The following ENPP1 variants were observed in gnomAD, a reference collection of about 807,000 sequenced individuals.
ENPP1 encodes ectonucleotide pyrophosphatase/phosphodiesterase family member 1.
Under a neutral mutation model 122.8 loss-of-function variants are expected in ENPP1, and 73 were observed. The ratio of observed to expected loss-of-function variants is 0.59; its 90% CI spans 0.49 to 0.72. The LOEUF (loss-of-function observed/expected upper bound fraction) is 0.72, where lower values mean the gene tolerates loss of function less well. ENPP1 is among the 30% of genes least tolerant of loss of function. ENPP1 has a pLI of 0.00. For synonymous variants in ENPP1, 367 were observed against 391.6 expected (o/e 0.94, Z 0.74); for missense variants, 978 against 1,128.1 (o/e 0.87, Z 1.91).
In ENPP1 at chr6:131,872,064, C is replaced by A; in HGVS notation, c.1406-6C>A. 6.3e-7 allele frequency: 1 copy of A among 1,577,160 alleles called. No individual in the cohort carries two copies. Among genetic ancestry groups the A allele is most frequent in the Non-Finnish European group, 8.7e-7 (1 of 1,149,552 alleles). ...ACTATTAATTCTTATGTTTGTTCCC[C>A]TCCAGTTAACTATGAAGGCATTGCC... On this transcript the variant is annotated splice_polypyrimidine_tract_variant and splice_region_variant and intron_variant, in intron 13 of 24. Transcript: ENST00000647893.
chr6:131,877,188 A>C, intron 18 of ENPP1, 27 bp downstream of exon 18: 1 of 1,608,340 alleles, frequency 6.2e-7, no homozygotes, highest in South Asian at 1.1e-5. Context: ...AGTTTGGTCC[A>C]GTATGTATGG....
chr6:131,858,079 G>GT (rs1428148050), intron 6 of ENPP1, among the ~76,000 whole-genome samples: 3 of 152,160 alleles, frequency 2.0e-5, no homozygotes, highest in Non-Finnish European at 4.4e-5. Flanking sequence ...GGAATCATTA[G>GT]TTATGTGTTC....
intron 1 of ENPP1, among the ~76,000 whole-genome samples, chr6:131,815,358 T>G (rs1781400815): frequency 6.6e-6 from 1 of 152,230 alleles, no homozygotes; most frequent in Non-Finnish European, 1.5e-5. Flanking sequence ...TTTGTGATTC[T>G]TCGCTCTTCT....
intron 11 of ENPP1, 69 bp from the exon 12 acceptor site, chr6:131,867,949 G>A: frequency 1.1e-6 from 1 of 881,190 alleles, no homozygotes; most frequent in Non-Finnish European, 1.9e-6. Context: ...TTTTAACAGA[G>A]ATAGCTTTAT....
intron 20 of ENPP1, among the ~76,000 whole-genome samples, 164 bp downstream of exon 20, chr6:131,880,198 G>T (rs562345964): frequency 6.6e-6 from 1 of 152,236 alleles, no homozygotes; most frequent in South Asian, 2.1e-4. Flanking sequence ...TTCAAGCTCT[G>T]CCACTGAGCA....
chr6:131,885,667 G>C (rs58565434), intron 23 of ENPP1, among the ~76,000 whole-genome samples: 2 of 152,102 alleles, frequency 1.3e-5, no homozygotes, highest in South Asian at 2.1e-4. Flanking sequence ...TGTTAAGTCC[G>C]TAGGAAAAAG....
chr6:131,872,260 C>T (rs1004990228), intron 14 of ENPP1, among the ~76,000 whole-genome samples, 159 bp downstream of exon 14: 1 of 151,902 alleles, frequency 6.6e-6, no homozygotes, highest in Non-Finnish European at 1.5e-5. Flanking sequence ...TCTTTAAGGT[C>T]GTATCCCAAT....
At chr6:131,840,601 G>T (rs1296770858) in intron 1 of ENPP1, among the ~76,000 whole-genome samples, 1 of 152,192 alleles carries the variant, frequency 6.6e-6, no homozygotes, top group Non-Finnish European at 1.5e-5. Context: ...ACTTTGTGAG[G>T]TGGGTATTAT....
intron 11 of ENPP1, among the ~76,000 whole-genome samples, chr6:131,867,340 G>A (rs1157530598): frequency 6.6e-6 from 1 of 152,162 alleles, no homozygotes; most frequent in Non-Finnish European, 1.5e-5. Flanking sequence ...GGTTTTGCAA[G>A]GAGAGAGGAT....
chr6:131,855,381 A>G (rs1372901181), intron 6 of ENPP1, among the ~76,000 whole-genome samples: 1 of 152,110 alleles, frequency 6.6e-6, no homozygotes, highest in Non-Finnish European at 1.5e-5. Context: ...GCTGGAGTGC[A>G]GTGGTGTGAT....
At chr6:131,815,805 A>G (rs1166399422) in intron 1 of ENPP1, among the ~76,000 whole-genome samples, 1 of 151,654 alleles carries the variant, frequency 6.6e-6, no homozygotes, top group Non-Finnish European at 1.5e-5. Flanking sequence ...CCCGGGTTCA[A>G]GTGATTATCC....
intron 14 of ENPP1, among the ~76,000 whole-genome samples, chr6:131,872,477 A>G (rs890362392): frequency 7.9e-5 from 12 of 152,148 alleles, no homozygotes; most frequent in African/African-American, 2.9e-4. Flanking sequence ...AAGTTTCTGT[A>G]CTAGTGCTGA....
intron 18 of ENPP1, among the ~76,000 whole-genome samples, chr6:131,878,108 C>A (rs1782258690): frequency 6.6e-6 from 1 of 151,650 alleles, no homozygotes; most frequent in Non-Finnish European, 1.5e-5. Flanking sequence ...AAAAATGTAA[C>A]TTCTGTCCAG....
At chr6:131,873,091 G>T in intron 15 of ENPP1, 41 bp downstream of exon 15, 1 of 1,610,870 alleles carries the variant, frequency 6.2e-7, no homozygotes, top group Non-Finnish European at 8.5e-7. Context: ...AGTCTGATCG[G>T]TTAGTGATTC....
chr6:131,827,569 A>T, intron 1 of ENPP1: 2 of 598,004 alleles, frequency 3.3e-6, no homozygotes, highest in Non-Finnish European at 6.2e-6. Flanking sequence ...CAATTTAAAG[A>T]GTGATGTAGG....
chr6:131,859,424 T>A (rs1781988637), intron 7 of ENPP1, among the ~76,000 whole-genome samples: 1 of 151,940 alleles, frequency 6.6e-6, no homozygotes, highest in Admixed American at 6.6e-5. Context: ...TCTTGTGCTG[T>A]TGCCAGACTG....
At chr6:131,861,865 T>C (rs755110028) in intron 9 of ENPP1, among the ~76,000 whole-genome samples, 161 bp downstream of exon 9, 1 of 152,044 alleles carries the variant, frequency 6.6e-6, no homozygotes, top group Non-Finnish European at 1.5e-5. Flanking sequence ...AGATGGTAAA[T>C]GGACAGTAAA....
chr6:131,863,008 A>G (rs1169065141), intron 9 of ENPP1, among the ~76,000 whole-genome samples: 2 of 152,058 alleles, frequency 1.3e-5, no homozygotes, highest in East Asian at 1.9e-4. Flanking sequence ...ATTTCAGCCT[A>G]TGCTCAGAAA....
intron 11 of ENPP1, 112 bp from the exon 12 acceptor site, chr6:131,867,906 T>C: frequency 1.3e-6 from 1 of 771,884 alleles, no homozygotes; most frequent in Non-Finnish European, 2.2e-6. Context: ...TGTCTGTCTT[T>C]CTTTCTTTCT....
Sources: allele counts gnomAD v4.1 joint callset (sites outside exome capture counted in the v4.1 genomes callset), GRCh38; gene constraint gnomAD v4.1.1; transcripts MANE v1.5; gene names NCBI Gene and HGNC (gene_info 2026-07-23, HGNC 2026-07-21).